Variants in UBE2G1 observed in about 807,000 individuals in gnomAD.
UBE2G1 encodes ubiquitin conjugating enzyme E2 G1.
A neutral mutation model predicts 22.7 loss-of-function variants in UBE2G1; 5 were observed. The ratio of observed to expected loss-of-function variants is 0.22; its 90% confidence interval spans 0.12 to 0.46. The LOEUF is 0.46. UBE2G1 is among the 20% of genes least tolerant of loss of function. The pLI is 0.99. For synonymous variants in UBE2G1, 74 were observed against 67.5 expected (o/e 1.10, Z -0.47); for missense variants, 88 against 203.9 (o/e 0.43, Z 3.46).
intron 5 of UBE2G1, among the ~76,000 whole-genome samples, chr17:4,280,305 A>G (rs1349699621): frequency 7.2e-6 from 1 of 138,208 alleles, no homozygotes; most frequent in African/African-American, 2.7e-5. Context: ...CACAAGTGCT[A>G]GGATTACAAG....
At chr17:4,332,847 T>G (rs564253302) in intron 1 of UBE2G1, among the ~76,000 whole-genome samples, 43 of 152,160 alleles carry the variant, frequency 2.8e-4, no homozygotes, top group Non-Finnish European at 4.3e-4. Context: ...CACCCTATTT[T>G]TAATGAAACC....
chr17:4,309,631 G>A (rs1316110086), intron 1 of UBE2G1, among the ~76,000 whole-genome samples: 2 of 152,186 alleles, frequency 1.3e-5, no homozygotes, highest in Non-Finnish European at 2.9e-5. Flanking sequence ...TGCACTGTGA[G>A]GAGTTATTTT....
In UBE2G1 at chr17:4,339,595, G is replaced by A. The variant is rs373069211; in HGVS notation, c.46+26676C>T. Among the ~76,000 whole-genome samples, 18 of 152,142 alleles carry A rather than the reference G, an allele frequency of 1.2e-4. 1 individual carries two copies. The South Asian group carries it at 3.5e-3, about 30-fold the overall frequency. On this transcript the variant is annotated intron_variant, in intron 1 of 5. Transcript: ENST00000396981. The stretch of plus-strand genomic sequence containing the variant: ...GCTGGGATTACAGGCGTGAGCCACC[G>A]CGCCTGGCTCAAGCTCTTAACTCTT...
intron 2 of UBE2G1, among the ~76,000 whole-genome samples, chr17:4,300,652 G>GT (rs1969166832): frequency 6.6e-6 from 1 of 151,404 alleles, no homozygotes; most frequent in African/African-American, 2.4e-5. Flanking sequence ...TATAGTATAA[G>GT]TACTATCATG....
intron 1 of UBE2G1, among the ~76,000 whole-genome samples, chr17:4,356,168 C>T (rs549103594): frequency 6.7e-6 from 1 of 149,080 alleles, no homozygotes; most frequent in African/African-American, 2.5e-5. Context: ...ACAGCCTGAC[C>T]AACGTGGAGA....
chr17:4,307,194 C>T (rs1196144114), intron 1 of UBE2G1, 71 bp from the exon 2 acceptor site: 1 of 1,273,880 alleles, frequency 7.9e-7, no homozygotes, highest in African/African-American at 1.5e-5. Context: ...AATTACAGAA[C>T]TTGAGCGTAC....
chr17:4,337,697 A>G (rs530851101), intron 1 of UBE2G1, among the ~76,000 whole-genome samples: 313 of 152,102 alleles, frequency 2.1e-3, no homozygotes, highest in African/African-American at 7.1e-3. Context: ...AGAGAAAAAA[A>G]TCTTTGGTAC....
intron 1 of UBE2G1, among the ~76,000 whole-genome samples, chr17:4,364,644 G>A (rs945007070): frequency 8.3e-5 from 12 of 145,402 alleles, no homozygotes; most frequent in African/African-American, 2.6e-4. Context: ...GCAATGGCGC[G>A]ATCTCAGCTC....
intron 1 of UBE2G1, among the ~76,000 whole-genome samples, chr17:4,329,535 GTGAA>G (rs1969544755): frequency 1.3e-5 from 2 of 151,810 alleles, no homozygotes; most frequent in South Asian, 4.2e-4. Flanking sequence ...TCCAGCCTGG[GTGAA>G]TGAGACTCTG....
intron 1 of UBE2G1, among the ~76,000 whole-genome samples, chr17:4,347,255 T>C (rs751985306): frequency 9.9e-5 from 15 of 152,124 alleles, no homozygotes; most frequent in Non-Finnish European, 1.6e-4. Flanking sequence ...TGCATACACA[T>C]AATGAGACAT....
chr17:4,316,905 A>C lies in UBE2G1; in HGVS notation c.47-9782T>G, dbSNP rs1344383859. 2.1e-5 allele frequency among the ~76,000 whole-genome samples: 3 copies of C among 145,442 alleles called. No individual in the cohort carries two copies. The East Asian group carries it at 6.0e-4, about 29-fold the overall frequency. ...CAGTAACCTAAGAAGGTGCCAATGC[A>C]CTCCAGCTTGGAGCAAGACCATGTC... On this transcript the variant is annotated intron_variant, in intron 1 of 5. Transcript: ENST00000396981.
intron 1 of UBE2G1, among the ~76,000 whole-genome samples, chr17:4,330,108 G>A (rs968095250): frequency 3.9e-5 from 6 of 152,088 alleles, no homozygotes; most frequent in Admixed American, 2.6e-4. Flanking sequence ...CCAGAGCCAT[G>A]AGTCATGCAT....
chr17:4,329,109 GAA>G lies in UBE2G1; in HGVS notation c.47-21988_47-21987del, dbSNP rs56962666. On this transcript the variant is annotated intron_variant, in intron 1 of 5. Transcript: ENST00000396981. ...ACAGAGAGAGACTCCGTCTCAAAAA[GAA>G]AAAAAAAAAAAAAAAAAAAAGACAC... Among the ~76,000 whole-genome samples, 507 of 91,730 alleles carry G rather than the reference GAA, an allele frequency of 5.5e-3. 5 individuals carry two copies. The highest frequency in any genetic ancestry group is 0.016 in the African/African-American group (383 of 24,512). 60.2% of individuals were successfully genotyped at this position (91,730 alleles called of 152,430 possible).
At chr17:4,326,103 AAAAAT>A (rs1286291775) in intron 1 of UBE2G1, among the ~76,000 whole-genome samples, 3 of 152,166 alleles carry the variant, frequency 2.0e-5, no homozygotes, top group African/African-American at 7.2e-5. Flanking sequence ...AGACAAAAGA[AAAAAT>A]AAATGATCTG....
intron 1 of UBE2G1, among the ~76,000 whole-genome samples, chr17:4,315,682 G>A (rs1452115763): frequency 6.6e-6 from 1 of 150,874 alleles, no homozygotes; most frequent in African/African-American, 2.4e-5. Context: ...GGAGCTTGCA[G>A]TGAGCCGAGA....
At chr17:4,353,255 A>C (rs1969866378) in intron 1 of UBE2G1, among the ~76,000 whole-genome samples, 1 of 152,026 alleles carries the variant, frequency 6.6e-6, no homozygotes. Context: ...TTTGAAAGAA[A>C]AATAAGGACC....
intron 4 of UBE2G1, among the ~76,000 whole-genome samples, chr17:4,288,096 T>G (rs28667146): frequency 1.3e-5 from 2 of 152,128 alleles, no homozygotes; most frequent in African/African-American, 2.4e-5. Context: ...TCAAACTGTT[T>G]AGGAAAAAAA....
chr17:4,335,859 A>G (rs1969639650), intron 1 of UBE2G1, among the ~76,000 whole-genome samples: 1 of 152,148 alleles, frequency 6.6e-6, no homozygotes, highest in African/African-American at 2.4e-5. Flanking sequence ...AAAGGAAGAA[A>G]ACCAAGCCAG....
intron 3 of UBE2G1, among the ~76,000 whole-genome samples, chr17:4,294,682 T>C (rs1363299735): frequency 6.6e-6 from 1 of 151,994 alleles, no homozygotes; most frequent in Non-Finnish European, 1.5e-5. Flanking sequence ...GAGGACAAAG[T>C]GGGCAGATCA....
Sources: allele counts gnomAD v4.1 joint callset (sites outside exome capture counted in the v4.1 genomes callset), GRCh38; gene constraint gnomAD v4.1.1; transcripts MANE v1.5; gene names NCBI Gene and HGNC (gene_info 2026-07-23, HGNC 2026-07-21).